ZC3H12B: variants seen among roughly 807,000 people sequenced by gnomAD.
ZC3H12B encodes the protein probable ribonuclease ZC3H12B.
A neutral mutation model predicts 43.9 loss-of-function variants in ZC3H12B; 7 were observed. That is an observed-to-expected ratio of 0.16 (90% CI 0.09 to 0.30). The LOEUF is 0.30. Ranked by LOEUF, ZC3H12B falls within the 10% of genes least tolerant of loss-of-function variation. The pLI, the probability that ZC3H12B is intolerant of heterozygous loss-of-function variation, is 1.00. For missense variants in ZC3H12B, 475 were observed against 670.2 expected (o/e 0.71, Z 3.22); for synonymous variants, 222 against 241.7 (o/e 0.92, Z 0.76).
At chrX:65,254,157 C>T in the ZC3H12B span, among the ~76,000 whole-genome samples, 1 of 112,423 alleles carries the variant, frequency 8.9e-6, no homozygotes, top group African/African-American at 3.2e-5. Flanking sequence ...ACTGCCACTG[C>T]TGCCAGCACA....
chrX:65,192,769 C>CAGATAGATAGATAGATAGAT, the ZC3H12B span, among the ~76,000 whole-genome samples: 78 of 104,408 alleles, frequency 7.5e-4, no homozygotes, highest in African/African-American at 2.5e-3. Flanking sequence ...GGGATTTTCC[C>CAGATAGATAGATAGATAGAT]AGATAGATAG....
the ZC3H12B span, among the ~76,000 whole-genome samples, chrX:65,238,999 C>T: frequency 1.8e-5 from 2 of 111,641 alleles, no homozygotes; most frequent in Non-Finnish European, 3.8e-5. Context: ...TGTTTTATTT[C>T]CGATTATGTT....
chrX:65,415,079 G>T (rs2066944742), intron 3 of ZC3H12B, among the ~76,000 whole-genome samples: 1 of 112,073 alleles, frequency 8.9e-6, no homozygotes, highest in East Asian at 2.8e-4. Flanking sequence ...CTCCAGAAAG[G>T]TGGGATAACT....
the ZC3H12B span, among the ~76,000 whole-genome samples, chrX:65,317,522 T>C: frequency 1.6e-4 from 17 of 109,348 alleles, no homozygotes; most frequent in Admixed American, 5.9e-4. Context: ...TTTTATCCCA[T>C]ACCCCTTTCC....
the ZC3H12B span, among the ~76,000 whole-genome samples, chrX:65,303,382 T>A: frequency 8.9e-6 from 1 of 112,071 alleles, no homozygotes; most frequent in Middle Eastern, 4.7e-3. Context: ...TAAAATAATA[T>A]AGTTTAACAT....
the ZC3H12B span, among the ~76,000 whole-genome samples, chrX:65,163,180 G>C: frequency 9.0e-6 from 1 of 111,149 alleles, no homozygotes; most frequent in Non-Finnish European, 1.9e-5. Flanking sequence ...TGCCCCTACT[G>C]GGGGGTGCCT....
At chrX:65,366,428 A>G (rs2147972201), upstream of ZC3H12B, among the ~76,000 whole-genome samples, 1 of 112,059 alleles carries the variant, frequency 8.9e-6, no homozygotes, top group African/African-American at 3.2e-5. Flanking sequence ...GTTCTTTGTC[A>G]TTGCTATGCC....
At chrX:65,073,381 G>C in the ZC3H12B span, among the ~76,000 whole-genome samples, 3 of 112,086 alleles carry the variant, frequency 2.7e-5, no homozygotes, top group South Asian at 7.4e-4. Context: ...TTCTGGCCAG[G>C]CATGGTTCAC....
At chrX:65,459,609 C>T (rs1254075507) in intron 3 of ZC3H12B, among the ~76,000 whole-genome samples, 1 of 111,949 alleles carries the variant, frequency 8.9e-6, no homozygotes, top group Non-Finnish European at 1.9e-5. Context: ...ACAAAAACCA[C>T]ATGATTATCT....
the ZC3H12B span, among the ~76,000 whole-genome samples, chrX:65,136,789 CTTATTTTTGTT>C: frequency 9.0e-6 from 1 of 111,390 alleles, no homozygotes; most frequent in Non-Finnish European, 1.9e-5. Flanking sequence ...TTTCAGTCTT[CTTATTTTTGTT>C]TTATATATAA....
At chrX:65,417,851 A>G (rs1297127602) in intron 3 of ZC3H12B, among the ~76,000 whole-genome samples, 3 of 112,444 alleles carry the variant, frequency 2.7e-5, no homozygotes, top group African/African-American at 9.7e-5. Flanking sequence ...TTATTACCCA[A>G]CCAACATTAT....
At chrX:65,410,126 A>AC in intron 3 of ZC3H12B, among the ~76,000 whole-genome samples, 1 of 104,929 alleles carries the variant, frequency 9.5e-6, no homozygotes, top group East Asian at 2.8e-4. Context: ...AAAAAAAAAA[A>AC]CAATGGGACA....
At chrX:65,195,322 A>T in the ZC3H12B span, among the ~76,000 whole-genome samples, 3 of 110,570 alleles carry the variant, frequency 2.7e-5, no homozygotes, top group Non-Finnish European at 3.8e-5. Context: ...TACATTTTGC[A>T]TATCTTTGTG....
the ZC3H12B span, chrX:65,357,183 T>C: frequency 9.6e-6 from 4 of 416,822 alleles, no homozygotes; most frequent in Non-Finnish European, 1.3e-5. Context: ...TCATTCCCAA[T>C]CTTTTATAAA....
chrX:65,315,402 T>C, the ZC3H12B span, among the ~76,000 whole-genome samples: 1 of 111,536 alleles, frequency 9.0e-6, no homozygotes, highest in Non-Finnish European at 1.9e-5. Flanking sequence ...AATGATAAAG[T>C]ACCATTTGAA....
chrX:65,381,801 C>T (rs2066444207), intron 2 of ZC3H12B, among the ~76,000 whole-genome samples: 1 of 111,353 alleles, frequency 9.0e-6, no homozygotes, highest in Admixed American at 9.5e-5. Flanking sequence ...AAATACAAAC[C>T]ACCATCAGAG....
At chrX:65,338,673 G>A in the ZC3H12B span, among the ~76,000 whole-genome samples, 1 of 112,376 alleles carries the variant, frequency 8.9e-6, no homozygotes, top group Admixed American at 9.4e-5. Context: ...CCATGCTCAA[G>A]TAGGCTTTAT....
the ZC3H12B span, among the ~76,000 whole-genome samples, chrX:65,162,666 G>T: frequency 5.4e-5 from 6 of 111,306 alleles, no homozygotes; most frequent in Admixed American, 1.9e-4. Context: ...TTATACATTC[G>T]TCTAAATTTT....
the ZC3H12B span, among the ~76,000 whole-genome samples, chrX:65,164,052 A>G: frequency 8.9e-6 from 1 of 112,174 alleles, no homozygotes. Flanking sequence ...TGAAAAATCA[A>G]TACACTGAAA....
Sources: gnomAD v4.1 joint callset for allele counts (sites outside exome capture counted in the v4.1 genomes callset) on GRCh38, gnomAD v4.1.1 for gene constraint, MANE v1.5 for transcripts, NCBI Gene and HGNC (gene_info 2026-07-23, HGNC 2026-07-21) for gene names.